SYN3: variants seen among roughly 807,000 people sequenced by gnomAD.
SYN3 encodes the protein synapsin III, also known as synapsin-3.
Under a neutral mutation model 65.8 loss-of-function variants are expected in SYN3, and 35 were observed. The observed-to-expected ratio is 0.53, with a 90% CI of 0.41 to 0.70. The LOEUF (loss-of-function observed/expected upper bound fraction) is 0.70. SYN3 is among the 30% of genes least tolerant of loss of function. The pLI is 0.00. For synonymous variants in SYN3, 270 were observed against 292.9 expected, an observed-to-expected ratio of 0.92 and a Z score of 0.80; for missense variants, 680 against 749.0, an observed-to-expected ratio of 0.91 and a Z score of 1.08.
At chr22:33,036,986 C>T (rs899024948) in intron 1 of SYN3, among the ~76,000 whole-genome samples, 3 of 152,102 alleles carry the variant, frequency 2.0e-5, no homozygotes, top group Non-Finnish European at 4.4e-5. Flanking sequence ...CCATCATGCC[C>T]GGCCAAGCCC....
At chr22:32,888,003 G>A (rs562682493) in intron 4 of SYN3, among the ~76,000 whole-genome samples, 7 of 152,082 alleles carry the variant, frequency 4.6e-5, no homozygotes, top group African/African-American at 1.4e-4. Flanking sequence ...CAGCCTCAAC[G>A]ACAGTTTGTA....
intron 6 of SYN3, among the ~76,000 whole-genome samples, chr22:32,618,694 G>A (rs1420705226): frequency 6.6e-6 from 1 of 152,112 alleles, no homozygotes; most frequent in Non-Finnish European, 1.5e-5. Flanking sequence ...TCAGGCCCTG[G>A]GACTTAGAGA....
chr22:32,540,928 G>T (rs561167599), intron 8 of SYN3, among the ~76,000 whole-genome samples: 234 of 152,216 alleles, frequency 1.5e-3, no homozygotes, highest in African/African-American at 5.1e-3. Context: ...TATTATTTCT[G>T]GCTGCCCACC....
chr22:32,932,561 A>G (rs2050662333), intron 3 of SYN3, among the ~76,000 whole-genome samples: 2 of 152,102 alleles, frequency 1.3e-5, no homozygotes, highest in South Asian at 4.2e-4. Context: ...AGTCACCAAG[A>G]GAGGGGCAGG....
intron 6 of SYN3, among the ~76,000 whole-genome samples, chr22:32,831,116 A>C (rs762104340): frequency 7.2e-5 from 11 of 152,128 alleles, no homozygotes; most frequent in Admixed American, 2.0e-4. Flanking sequence ...GCTGAGGTTG[A>C]AGTTGAGATC....
chr22:32,985,752 T>C (rs1020939325), intron 2 of SYN3, among the ~76,000 whole-genome samples: 1 of 152,130 alleles, frequency 6.6e-6, no homozygotes, highest in African/African-American at 2.4e-5. Context: ...TATTTCATGG[T>C]TGCATCCAAA....
At chr22:33,034,541 C>T (rs1048837624) in intron 1 of SYN3, among the ~76,000 whole-genome samples, 3 of 151,982 alleles carry the variant, frequency 2.0e-5, no homozygotes, top group South Asian at 2.1e-4. Context: ...CCACCACGCT[C>T]GGCCAGTATG....
At chr22:32,884,296 T>C (rs539190399) in intron 4 of SYN3, among the ~76,000 whole-genome samples, 7 of 152,338 alleles carry the variant, frequency 4.6e-5, no homozygotes, top group African/African-American at 1.7e-4. Flanking sequence ...CAGGGGTCAA[T>C]TGATTGCATG....
intron 1 of SYN3, among the ~76,000 whole-genome samples, chr22:33,020,553 T>G (rs2145858486): frequency 6.6e-6 from 1 of 152,284 alleles, no homozygotes; most frequent in Non-Finnish European, 1.5e-5. Context: ...ATCTTTTTGC[T>G]CAGTCTTTAA....
At chr22:32,795,592 T>C (rs1469275574) in intron 6 of SYN3, among the ~76,000 whole-genome samples, 1 of 152,098 alleles carries the variant, frequency 6.6e-6, no homozygotes, top group African/African-American at 2.4e-5. Context: ...CCGGTGCACA[T>C]AGCATGGTAG....
Position 32,529,180 on chromosome 22 carries a change from C to G in SYN3, c.1096-172G>C, listed in dbSNP as rs994990625. 7.9e-5 allele frequency: 60 copies of G among 754,810 alleles called. 1 individual carries two copies. The highest frequency in any genetic ancestry group is 8.7e-5 in the African/African-American group (5 of 57,560). The allele number at this position is 754,810 out of a possible 1,614,324, so 46.8% of individuals were successfully genotyped here. A position where few individuals can be genotyped will look rare whatever the true frequency, so the allele number is the denominator to read the frequency against. On this transcript the variant is annotated intron_variant, in intron 10 of 13. Coordinates refer to ENST00000358763, the MANE Select transcript of SYN3 (RefSeq NM_003490.4). ...ACTGGCCGGCAGCGACATCAGTTCC[C>G]TTCGGTTCAGTCTAAACCACTCCCT...
At chr22:32,802,643 C>T (rs1000090574) in intron 6 of SYN3, among the ~76,000 whole-genome samples, 6 of 152,168 alleles carry the variant, frequency 3.9e-5, no homozygotes, top group Non-Finnish European at 8.8e-5. Flanking sequence ...CAGCTGCAGG[C>T]TTCCCAGGCA....
intron 3 of SYN3, among the ~76,000 whole-genome samples, chr22:32,954,056 G>A (rs888364809): frequency 2.6e-5 from 4 of 151,942 alleles, no homozygotes; most frequent in Admixed American, 1.3e-4. Flanking sequence ...CCTGATAGTC[G>A]CCCCTTCCTG....
chr22:32,523,816 C>T (rs2057930985), intron 12 of SYN3, among the ~76,000 whole-genome samples: 1 of 152,146 alleles, frequency 6.6e-6, no homozygotes, highest in African/African-American at 2.4e-5. Context: ...CCTCTTGCAC[C>T]AGAAAGTTAG....
intron 4 of SYN3, among the ~76,000 whole-genome samples, chr22:32,927,129 A>G (rs2050495074): frequency 6.6e-6 from 1 of 152,174 alleles, no homozygotes; most frequent in African/African-American, 2.4e-5. Context: ...AATAACCAGC[A>G]CTGCTGTATA....
Position 33,006,496 on chromosome 22 carries a change from C to A in SYN3, c.167G>T (p.Gly56Val). The change falls in exon 2 of 14, where the codon GGA (glycine) becomes GTA (valine). Residue 56 changes from glycine (G) to valine (V), a missense_variant. By Grantham distance (109) the Gly-to-Val change is moderately radical. Transcript: ENST00000358763. ...GGAGAGGGAGCTAAAAAGGCTGGAT[C>A]CTGGAGAGGAGAAGGAGGCAGCCAG... ...QPLAASFSSP[G>V]SSLFSSLSSA... 1 of 1,614,184 alleles carries A rather than the reference C, an allele frequency of 6.2e-7. No homozygotes were observed. Among genetic ancestry groups the A allele is most frequent in the Non-Finnish European group, 8.5e-7 (1 of 1,180,034 alleles).
At chr22:32,725,786 G>A (rs1601991899) in intron 6 of SYN3, among the ~76,000 whole-genome samples, 1 of 152,216 alleles carries the variant, frequency 6.6e-6, no homozygotes, top group African/African-American at 2.4e-5. Context: ...ATAAATTTGT[G>A]TTGTTTTAAG....
intron 6 of SYN3, among the ~76,000 whole-genome samples, chr22:32,691,912 G>T (rs1446634976): frequency 6.6e-6 from 1 of 151,994 alleles, no homozygotes. Flanking sequence ...AGCTCCTGGG[G>T]TGAAAGTTTA....
chr22:32,891,912 A>G (rs572002456), intron 4 of SYN3, among the ~76,000 whole-genome samples: 131 of 152,156 alleles, frequency 8.6e-4, no homozygotes, highest in African/African-American at 3.0e-3. Flanking sequence ...AATTGGAAGT[A>G]AATTCCAGGT....
Sources: gnomAD v4.1 joint callset for allele counts (sites outside exome capture counted in the v4.1 genomes callset) on GRCh38, gnomAD v4.1.1 for gene constraint, MANE v1.5 for transcripts, NCBI Gene and HGNC (gene_info 2026-07-23, HGNC 2026-07-21) for gene names.